Variants in CCDC192 observed in about 807,000 individuals in gnomAD.
The protein encoded by CCDC192 is coiled-coil domain containing 192, also known as coiled-coil domain-containing protein 192.
chr5:127,748,599 T>C (rs1023212751), intron 2 of CCDC192, among the ~76,000 whole-genome samples: 2 of 147,464 alleles, frequency 1.4e-5, no homozygotes, highest in East Asian at 2.0e-4. Context: ...GGGCTCTTTT[T>C]TGGTTCCATA....
chr5:127,727,910 C>T (rs751772985), intron 2 of CCDC192, among the ~76,000 whole-genome samples: 3 of 152,130 alleles, frequency 2.0e-5, no homozygotes, highest in Admixed American at 1.3e-4. Context: ...CAAGTATCTA[C>T]AGCCAAATAG....
At position 127,939,110 on chromosome 5, in the gene CCDC192, C is replaced by CTTTTTT. The variant is rs59545987; in HGVS notation, c.536-2052_536-2047dup. Among the ~76,000 whole-genome samples, 99 of 83,648 alleles carry CTTTTTT rather than the reference C, an allele frequency of 1.2e-3. 1 individual carries two copies. The highest frequency in any genetic ancestry group is 2.3e-3 in the South Asian group (4 of 1,724). 54.9% of individuals were successfully genotyped at this position (83,648 alleles called of 152,430 possible). A position where few individuals can be genotyped will look rare whatever the true frequency, so the allele number is the denominator to read the frequency against. ...TTATGAAAGGCACTCAAACCAACAT[C>CTTTTTT]TTTTTTTTTTTTTTTTTTTTTTTTT... On this transcript the variant is annotated intron_variant, in intron 6 of 6. Transcript: ENST00000514853.
At chr5:127,767,604 T>C (rs761655551) in intron 3 of CCDC192, among the ~76,000 whole-genome samples, 1 of 152,194 alleles carries the variant, frequency 6.6e-6, no homozygotes, top group Non-Finnish European at 1.5e-5. Context: ...GATCACCTCA[T>C]CTTTCCCATG....
intron 3 of CCDC192, chr5:127,785,420 C>A: frequency 2.7e-6 from 1 of 363,722 alleles, no homozygotes. Context: ...TGTCTTGAAA[C>A]ATCCACTGAA....
intron 5 of CCDC192, among the ~76,000 whole-genome samples, chr5:127,808,313 CACTT>C (rs771289281): frequency 7.2e-5 from 11 of 152,084 alleles, no homozygotes; most frequent in Non-Finnish European, 1.5e-4. Flanking sequence ...AGTGGCTTCT[CACTT>C]AGTATATCTA....
intron 6 of CCDC192, among the ~76,000 whole-genome samples, chr5:127,914,519 A>G (rs1753462817): frequency 6.6e-6 from 1 of 152,202 alleles, no homozygotes; most frequent in African/African-American, 2.4e-5. Flanking sequence ...TTGCCACCAG[A>G]TGACCTATGA....
chr5:127,749,649 C>T (rs1158313071), intron 2 of CCDC192, among the ~76,000 whole-genome samples: 1 of 151,858 alleles, frequency 6.6e-6, no homozygotes, highest in Non-Finnish European at 1.5e-5. Context: ...GGGAGGATTC[C>T]CTCTTTTTCT....
chr5:127,709,271 C>CCAA (rs996536451), intron 2 of CCDC192, among the ~76,000 whole-genome samples: 23 of 145,416 alleles, frequency 1.6e-4, no homozygotes, highest in African/African-American at 4.8e-4. Context: ...TTTTTAGCAA[C>CCAA]CAAATCTCCT....
At chr5:127,921,602 G>T (rs961979328) in intron 6 of CCDC192, among the ~76,000 whole-genome samples, 1 of 152,168 alleles carries the variant, frequency 6.6e-6, no homozygotes, top group Admixed American at 6.5e-5. Context: ...TCATAGAATT[G>T]TAGAGTCAGG....
rs570392237 is a variant in CCDC192 at position 127,886,143 on chromosome 5, G to A, written c.535+10482G>A. Among the ~76,000 whole-genome samples, 17 of 152,182 alleles carry A rather than the reference G, an allele frequency of 1.1e-4. No individual in the cohort carries two copies. In the East Asian group the frequency reaches 1.2e-3, roughly 10 times the overall value. ...AGAAACTGTGGCTATAAATGTCCCCGACTCCCCAGTTTTCCACTAAGACCT... is the reference window on the plus strand; with the variant it reads ...AGAAACTGTGGCTATAAATGTCCCCAACTCCCCAGTTTTCCACTAAGACCT... On this transcript the variant is annotated intron_variant, in intron 6 of 6. Transcript: ENST00000514853.
At chr5:127,841,867 C>T (rs1451379442) in intron 5 of CCDC192, among the ~76,000 whole-genome samples, 1 of 152,090 alleles carries the variant, frequency 6.6e-6, no homozygotes, top group African/African-American at 2.4e-5. Flanking sequence ...TCTACAGGGG[C>T]CAGGCAGGTT....
chr5:127,836,267 G>A (rs1024799334), intron 5 of CCDC192, among the ~76,000 whole-genome samples: 1 of 152,228 alleles, frequency 6.6e-6, no homozygotes, highest in South Asian at 2.1e-4. Context: ...GATACAAGAG[G>A]TGGGCTCCCA....
chr5:127,863,517 T>G (rs1203465629), intron 5 of CCDC192, among the ~76,000 whole-genome samples: 2 of 152,282 alleles, frequency 1.3e-5, no homozygotes, highest in South Asian at 4.1e-4. Flanking sequence ...TACACAGAAC[T>G]AGAGACTAGA....
intron 6 of CCDC192, among the ~76,000 whole-genome samples, chr5:127,900,004 G>A (rs556138134): frequency 9.2e-5 from 14 of 152,276 alleles, no homozygotes; most frequent in Non-Finnish European, 1.8e-4. Context: ...CCTGTGTTTA[G>A]CATCATGTGT....
At chr5:127,825,357 C>T (rs1441099224) in intron 5 of CCDC192, among the ~76,000 whole-genome samples, 1 of 152,170 alleles carries the variant, frequency 6.6e-6, no homozygotes, top group Non-Finnish European at 1.5e-5. Flanking sequence ...AATATCTCCT[C>T]ATCAGTCATA....
At chr5:127,936,029 G>A (rs10079497) in intron 6 of CCDC192, among the ~76,000 whole-genome samples, 2,389 of 152,164 alleles carry the variant, frequency 0.016, 65 homozygotes, top group African/African-American at 0.055. Flanking sequence ...GCTTGAACCC[G>A]GGAGGCAGAG....
chr5:127,735,861 A>T (rs1752955002), intron 2 of CCDC192, among the ~76,000 whole-genome samples: 1 of 137,530 alleles, frequency 7.3e-6, no homozygotes, highest in South Asian at 2.4e-4. Context: ...ATATACAATC[A>T]TGTCTTCTGC....
intron 2 of CCDC192, among the ~76,000 whole-genome samples, 171 bp downstream of exon 2, chr5:127,707,931 A>T (rs539730156): frequency 1.3e-5 from 2 of 152,208 alleles, no homozygotes; most frequent in East Asian, 3.9e-4. Context: ...TAGAAGATTG[A>T]TGTAAAGTGG....
chr5:127,926,279 G>A (rs1271834159), intron 6 of CCDC192, among the ~76,000 whole-genome samples: 1 of 152,178 alleles, frequency 6.6e-6, no homozygotes, highest in East Asian at 1.9e-4. Context: ...CTCAAACATA[G>A]AAGTATGGAG....
Sources: gnomAD v4.1 joint callset for allele counts (sites outside exome capture counted in the v4.1 genomes callset) on GRCh38, gnomAD v4.1.1 for gene constraint, MANE v1.5 for transcripts, NCBI Gene and HGNC (gene_info 2026-07-23, HGNC 2026-07-21) for gene names.